MEIKIN: variants seen among roughly 807,000 people sequenced by gnomAD.
MEIKIN encodes the protein meiosis-specific kinetochore protein.
chr5:131,849,727 C>T (rs1233395841), intron 11 of MEIKIN, among the ~76,000 whole-genome samples: 1 of 151,682 alleles, frequency 6.6e-6, no homozygotes, highest in Non-Finnish European at 1.5e-5. Flanking sequence ...GTAAACATCA[C>T]ATTCAATGGT....
intron 11 of MEIKIN, among the ~76,000 whole-genome samples, chr5:131,833,352 C>A (rs1215274547): frequency 6.6e-6 from 1 of 152,174 alleles, no homozygotes; most frequent in Non-Finnish European, 1.5e-5. Context: ...CATCTGAGAC[C>A]ACCTCAGCCT....
chr5:131,863,051 T>A (rs1248979175), intron 9 of MEIKIN, among the ~76,000 whole-genome samples: 1 of 152,182 alleles, frequency 6.6e-6, no homozygotes, highest in African/African-American at 2.4e-5. Context: ...GATCCAATGA[T>A]CATTCAGCGG....
intron 9 of MEIKIN, among the ~76,000 whole-genome samples, chr5:131,875,026 C>T (rs1204397037): frequency 1.4e-5 from 2 of 139,190 alleles, no homozygotes; most frequent in Non-Finnish European, 3.4e-5. Context: ...GACAAACCCA[C>T]AGCCAATATC....
intron 11 of MEIKIN, among the ~76,000 whole-genome samples, chr5:131,822,424 C>A (rs1185328221): frequency 6.6e-6 from 1 of 151,952 alleles, no homozygotes; most frequent in Non-Finnish European, 1.5e-5. Flanking sequence ...TTGCAGTACA[C>A]TTCAATTTCT....
intron 8 of MEIKIN, among the ~76,000 whole-genome samples, chr5:131,906,862 T>C (rs1258969599): frequency 6.6e-6 from 1 of 152,038 alleles, no homozygotes; most frequent in Non-Finnish European, 1.5e-5. Context: ...TGGGGCCTAC[T>C]TGAGGGTGAG....
chr5:131,823,950 G>T (rs1416557189), intron 11 of MEIKIN, among the ~76,000 whole-genome samples: 1 of 152,174 alleles, frequency 6.6e-6, no homozygotes, highest in Non-Finnish European at 1.5e-5. Flanking sequence ...ATAAGATATG[G>T]AAAAATTATC....
rs367752959 is a variant in MEIKIN at position 131,837,048 on chromosome 5, A to G, written c.975+14216T>C. On this transcript the variant is annotated intron_variant, in intron 11 of 12. Transcript: ENST00000442687. ...ATCCATCTCGAGTTGATTTTTACAC[A>G]TGGTGTAAGGAAGGGGTTCATTTTC... Among the ~76,000 whole-genome samples, 65 of 152,234 alleles carry G rather than the reference A, an allele frequency of 4.3e-4. No homozygotes were observed. In the South Asian group the frequency reaches 0.013, roughly 31 times the overall value.
At chr5:131,845,973 C>T (rs1307568334) in intron 11 of MEIKIN, among the ~76,000 whole-genome samples, 1 of 152,168 alleles carries the variant, frequency 6.6e-6, no homozygotes, top group African/African-American at 2.4e-5. Flanking sequence ...AAGACACCCA[C>T]ACTTATTATA....
intron 12 of MEIKIN, among the ~76,000 whole-genome samples, chr5:131,816,252 T>C (rs1384827358): frequency 3.3e-5 from 5 of 152,224 alleles, no homozygotes; most frequent in African/African-American, 1.2e-4. Flanking sequence ...GATGGTTAGT[T>C]GTGTGTGACA....
At chr5:131,943,509 T>C (rs1751908999) in intron 3 of MEIKIN, among the ~76,000 whole-genome samples, 1 of 152,174 alleles carries the variant, frequency 6.6e-6, no homozygotes, top group Non-Finnish European at 1.5e-5. Context: ...AGGGAAATAG[T>C]AATACAAATT....
At chr5:131,905,671 G>C (rs1335696872) in intron 8 of MEIKIN, among the ~76,000 whole-genome samples, 1 of 152,120 alleles carries the variant, frequency 6.6e-6, no homozygotes, top group Non-Finnish European at 1.5e-5. Flanking sequence ...ACACAAGCTA[G>C]AAAACCTAGA....
chr5:131,847,842 G>T (rs1037988072), intron 11 of MEIKIN, among the ~76,000 whole-genome samples: 1 of 151,782 alleles, frequency 6.6e-6, no homozygotes, highest in African/African-American at 2.4e-5. Context: ...GACCAAAATA[G>T]AATGAAGTCA....
At chr5:131,825,545 T>C (rs969453472) in intron 11 of MEIKIN, among the ~76,000 whole-genome samples, 2 of 152,206 alleles carry the variant, frequency 1.3e-5, no homozygotes, top group African/African-American at 4.8e-5. Context: ...GGGTTTCTAT[T>C]TGGGGTCAGT....
chr5:131,859,793 C>CGTTTACT (rs1441386343), intron 9 of MEIKIN, among the ~76,000 whole-genome samples: 1 of 152,106 alleles, frequency 6.6e-6, no homozygotes, highest in Admixed American at 6.6e-5. Flanking sequence ...TTCTGAGCAT[C>CGTTTACT]GTTTACTGGA....
chr5:131,885,165 C>G (rs1750758273), intron 8 of MEIKIN, among the ~76,000 whole-genome samples: 1 of 152,040 alleles, frequency 6.6e-6, no homozygotes, highest in South Asian at 2.1e-4. Context: ...TTTGCAGAGC[C>G]TTAGGGCCTT....
intron 9 of MEIKIN, among the ~76,000 whole-genome samples, chr5:131,869,903 G>A (rs1305891411): frequency 2.0e-5 from 3 of 152,128 alleles, no homozygotes; most frequent in Non-Finnish European, 4.4e-5. Context: ...TCAATATTTG[G>A]TGCAGCAGTT....
chr5:131,867,659 T>C (rs1750408930), intron 9 of MEIKIN, among the ~76,000 whole-genome samples: 1 of 152,240 alleles, frequency 6.6e-6, no homozygotes, highest in Non-Finnish European at 1.5e-5. Flanking sequence ...TTTCACTTAG[T>C]AATATGAATT....
chr5:131,896,336 C>T lies in MEIKIN; in HGVS notation c.703+15479G>A, dbSNP rs112941200. Among the ~76,000 whole-genome samples the T allele has an allele frequency of 3.2e-3, 491 of 152,062 alleles. 3 individuals are homozygous for T. Among genetic ancestry groups the T allele is most frequent in the African/African-American group, 0.011 (461 of 41,482 alleles). ...GGTCAATTTTAGAACAAGTCCAATG[C>T]GGTGCTGAGAAGAATGTAAATTCTG... is the stretch of plus-strand genomic sequence containing the variant. On this transcript the variant is annotated intron_variant, in intron 8 of 12. Coordinates refer to ENST00000442687, the MANE Select transcript of MEIKIN (RefSeq NM_001303622.2).
intron 9 of MEIKIN, among the ~76,000 whole-genome samples, chr5:131,870,946 A>G (rs1168627815): frequency 6.6e-6 from 1 of 152,210 alleles, no homozygotes; most frequent in Non-Finnish European, 1.5e-5. Flanking sequence ...AAGACCTGCC[A>G]CAACCTCCTC....
Sources: gnomAD v4.1 joint callset for allele counts (sites outside exome capture counted in the v4.1 genomes callset) on GRCh38, gnomAD v4.1.1 for gene constraint, MANE v1.5 for transcripts, NCBI Gene and HGNC (gene_info 2026-07-23, HGNC 2026-07-21) for gene names.